Variants in SETD3 observed in about 807,000 individuals in gnomAD.
SETD3 encodes actin-histidine N-methyltransferase.
A neutral mutation model predicts 63.0 loss-of-function variants in SETD3; 19 were observed. The observed-to-expected ratio is 0.30, with a 90% CI of 0.21 to 0.44. The LOEUF is 0.44. SETD3 is among the 20% of genes least tolerant of loss of function. The pLI is 1.00. For missense variants in SETD3, 587 were observed against 728.5 expected (o/e 0.81, Z 2.24); for synonymous variants, 286 against 264.1 (o/e 1.08, Z -0.80).
intron 6 of SETD3, among the ~76,000 whole-genome samples, chr14:99,433,714 C>T (rs1014449304): frequency 6.6e-6 from 1 of 152,088 alleles, no homozygotes; most frequent in Non-Finnish European, 1.5e-5. Flanking sequence ...TGGGATTACA[C>T]GTGTGAGCTA....
At chr14:99,482,100 G>A (rs552469897), upstream of SETD3, among the ~76,000 whole-genome samples, 53 of 152,306 alleles carry the variant, frequency 3.5e-4, 1 homozygote, top group South Asian at 8.7e-3. Flanking sequence ...GAGGTTATGT[G>A]ACAGCTCCTA....
chr14:99,482,662 C>A (rs925988417), upstream of SETD3, among the ~76,000 whole-genome samples: 2 of 152,132 alleles, frequency 1.3e-5, no homozygotes, highest in African/African-American at 4.8e-5. Context: ...GATTTCTGGG[C>A]AAATCCTGTT....
At chr14:99,453,313 G>T (rs978012511) in intron 6 of SETD3, among the ~76,000 whole-genome samples, 1 of 152,182 alleles carries the variant, frequency 6.6e-6, no homozygotes, top group Non-Finnish European at 1.5e-5. Context: ...AAGACTTTTA[G>T]AACCGATGAG....
chr14:99,412,005 A>G (rs190885423), intron 8 of SETD3: 1 of 152,346 alleles, frequency 6.6e-6, no homozygotes, highest in African/African-American at 2.4e-5. Context: ...AGGGAATTCA[A>G]TGTGAAATAA....
At position 99,398,584 on chromosome 14, in the gene SETD3, CAG is replaced by C; in HGVS notation, c.*93_*94del. 8.2e-7 allele frequency: 1 copy of C among 1,221,874 alleles called. No individual in the cohort carries two copies. Among genetic ancestry groups the C allele is most frequent in the Admixed American group, 2.2e-5 (1 of 44,504 alleles). 75.7% of individuals were successfully genotyped at this position (1,221,874 alleles called of 1,614,324 possible). A position where few individuals can be genotyped will look rare whatever the true frequency, so the allele number is the denominator to read the frequency against. ...CAGCAAAAACATATCTTCCTCTCTG[CAG>C]AAAGAAAAATGTTAACAAGGAAACA... On this transcript the variant is annotated 3_prime_UTR_variant, in exon 13 of 13. Transcript: ENST00000331768.
intron 6 of SETD3, among the ~76,000 whole-genome samples, chr14:99,428,698 G>A (rs1297128722): frequency 6.6e-6 from 1 of 152,144 alleles, no homozygotes; most frequent in East Asian, 1.9e-4. Context: ...GAAAATGTGG[G>A]GAGGGGGTAG....
At chr14:99,485,961 T>C in the SETD3 span, among the ~76,000 whole-genome samples, 1 of 152,232 alleles carries the variant, frequency 6.6e-6, no homozygotes, top group Non-Finnish European at 1.5e-5. Context: ...CTAAAAATGT[T>C]ATTTTATTTA....
At chr14:99,415,107 T>C (rs879485237) in intron 6 of SETD3, among the ~76,000 whole-genome samples, 10 of 152,244 alleles carry the variant, frequency 6.6e-5, no homozygotes, top group Admixed American at 6.5e-4. Context: ...TAAGTGTTAG[T>C]TTTGCTAAAG....
upstream of SETD3, among the ~76,000 whole-genome samples, chr14:99,484,901 C>T (rs959223094): frequency 4.6e-5 from 7 of 152,144 alleles, no homozygotes; most frequent in Admixed American, 3.9e-4. Flanking sequence ...AAGCACATTC[C>T]TGAAAGGTGC....
At chr14:99,471,509 C>T (rs1312137222) in intron 1 of SETD3, among the ~76,000 whole-genome samples, 1 of 152,186 alleles carries the variant, frequency 6.6e-6, no homozygotes, top group Non-Finnish European at 1.5e-5. Flanking sequence ...GTGGCACATG[C>T]CTATCATCCC....
Position 99,465,760 on chromosome 14 carries a change from C to A in SETD3, c.46G>T (p.Ala16Ser). 4 of 1,614,092 alleles carry A rather than the reference C, an allele frequency of 2.5e-6. No individual in the cohort carries two copies. The African/African-American group carries it at 5.3e-5, about 22-fold the overall frequency. Residue 16 changes from alanine to serine, a missense_variant, in exon 2 of 13, where the codon GCT becomes TCT. Ala to Ser is a moderately conservative substitution (Grantham distance 99). Transcript: ENST00000331768. ...TCCTTTGGTGACACAGTTGCTGTAG[C>A]ACCAGTGCCAGATTTCTGAGTTTTT... The part of the protein sequence containing the change: ...RVKTQKSGTG[A>S]TATVSPKEIL...
At chr14:99,406,425 T>G in intron 9 of SETD3, 91 bp downstream of exon 9, 1 of 1,201,074 alleles carries the variant, frequency 8.3e-7, no homozygotes, top group Non-Finnish European at 1.2e-6. Flanking sequence ...TTTTTTCCCC[T>G]AAGTTAAGTT....
Position 99,412,851 on chromosome 14 carries a change from C to CG in SETD3, c.849+99dup, listed in dbSNP as rs1257257124. On this transcript the variant is annotated intron_variant, in intron 8 of 12. Transcript: ENST00000331768. ...GTTTGTTCCTTTTGGAGGGAGGCAA[C>CG]GGGGGGAGTACGATGGGTAGGTGGA... 2.0e-5 allele frequency: 16 copies of CG among 815,582 alleles called. 1 individual carries two copies. Among genetic ancestry groups the CG allele is most frequent in the African/African-American group, 1.0e-4 (6 of 58,852 alleles). 50.5% of individuals were successfully genotyped at this position (815,582 alleles called of 1,614,324 possible).
chr14:99,430,996 A>G (rs1170898093), intron 6 of SETD3, among the ~76,000 whole-genome samples: 2 of 152,226 alleles, frequency 1.3e-5, no homozygotes, highest in Admixed American at 6.5e-5. Flanking sequence ...TGTCCTAAGC[A>G]TCTTCTATGT....
upstream of SETD3, chr14:99,481,382 G>C (rs977144282): frequency 5.0e-6 from 2 of 398,642 alleles, no homozygotes; most frequent in Admixed American, 4.4e-5. Context: ...TGGCGTCTCA[G>C]GACGCAGCGT....
At chr14:99,445,080 T>G (rs571150503) in intron 6 of SETD3, among the ~76,000 whole-genome samples, 1 of 152,198 alleles carries the variant, frequency 6.6e-6, no homozygotes, top group Admixed American at 6.5e-5. Flanking sequence ...AGAGGTAATA[T>G]GCGATGCAAA....
At chr14:99,482,813 T>C (rs1175965909), upstream of SETD3, among the ~76,000 whole-genome samples, 1 of 152,172 alleles carries the variant, frequency 6.6e-6, no homozygotes. Context: ...CTGTGGCCTA[T>C]AAAATGGGCT....
chr14:99,413,778 C>T, intron 7 of SETD3, 98 bp downstream of exon 7: 1 of 1,092,612 alleles, frequency 9.2e-7, no homozygotes, highest in African/African-American at 1.6e-5. Flanking sequence ...ACGGTCACAG[C>T]AGGTCACTTC....
At chr14:99,407,341 C>T (rs77933889) in intron 8 of SETD3, among the ~76,000 whole-genome samples, 7,501 of 152,168 alleles carry the variant, frequency 0.049, 617 homozygotes, top group African/African-American at 0.17. Flanking sequence ...GAAACCCTCG[C>T]GTCTCACCTG....
Sources: allele counts gnomAD v4.1 joint callset (sites outside exome capture counted in the v4.1 genomes callset), GRCh38; gene constraint gnomAD v4.1.1; transcripts MANE v1.5; gene names NCBI Gene and HGNC (gene_info 2026-07-23, HGNC 2026-07-21).